The following ECT2L variants were observed in gnomAD, a reference collection of about 807,000 sequenced individuals.
The protein encoded by ECT2L is epithelial cell transforming 2 like.
A neutral mutation model predicts 122.8 loss-of-function variants in ECT2L; 126 were observed. The ratio of observed to expected loss-of-function variants is 1.03; its 90% CI spans 0.89 to 1.19. The LOEUF is 1.19. ECT2L is among the 50% of genes most tolerant of loss of function. ECT2L has a pLI of 0.00. For synonymous variants in ECT2L, 385 were observed against 381.8 expected, an observed-to-expected ratio of 1.01 and a Z score of -0.10; for missense variants, 1,012 against 1,064.1, an observed-to-expected ratio of 0.95 and a Z score of 0.68.
chr6:138,797,547 C>A (rs1775386903), intron 1 of ECT2L, among the ~76,000 whole-genome samples: 1 of 152,106 alleles, frequency 6.6e-6, no homozygotes, highest in Non-Finnish European at 1.5e-5. Flanking sequence ...GACATCATTG[C>A]TCTTCTGTGT....
rs371081730 is a variant in ECT2L at position 138,890,825 on chromosome 6, T to G, written c.2414+1794T>G. The stretch of plus-strand genomic sequence containing the variant: ...ATTTATTGTTTGAAGGCAATTTTGC[T>G]GGATACAGAATTCTAGGTTGGTGGT... On this transcript the variant is annotated intron_variant, in intron 20 of 21. Coordinates refer to ENST00000541398, the MANE Select transcript of ECT2L (RefSeq NM_001077706.3). 2.0e-5 allele frequency among the ~76,000 whole-genome samples: 3 copies of G among 150,742 alleles called. 1 individual carries two copies.
intron 6 of ECT2L, among the ~76,000 whole-genome samples, 189 bp from the exon 7 acceptor site, chr6:138,844,223 T>C (rs1039641740): frequency 2.6e-5 from 4 of 152,184 alleles, no homozygotes; most frequent in Non-Finnish European, 5.9e-5. Flanking sequence ...TGACCTGAAA[T>C]GACCGGTAGC....
chr6:138,891,861 A>T (rs1401857933), intron 20 of ECT2L, among the ~76,000 whole-genome samples: 2 of 152,132 alleles, frequency 1.3e-5, no homozygotes, highest in African/African-American at 2.4e-5. Context: ...ATGTTTTTGT[A>T]TTCTCTGAAA....
At chr6:138,882,694 T>C in intron 15 of ECT2L, 30 bp from the exon 16 acceptor site, 1 of 1,609,564 alleles carries the variant, frequency 6.2e-7, no homozygotes, top group Non-Finnish European at 8.5e-7. Flanking sequence ...CAAGTGAATA[T>C]TTCATGCTTA....
At chr6:138,843,333 T>G in intron 6 of ECT2L, 102 bp downstream of exon 6, 1 of 1,190,388 alleles carries the variant, frequency 8.4e-7, no homozygotes, top group Non-Finnish European at 1.1e-6. Context: ...TTCGGAATAC[T>G]CTGAGTGGCA....
Position 138,902,628 on chromosome 6 carries a change from G to T in ECT2L, c.*1G>T. On this transcript the variant is annotated 3_prime_UTR_variant, in exon 22 of 22. Transcript: ENST00000541398. ...AATCAAAAGCAGTATGGAGAAGTGA[G>T]ACCGAACTTGAAAACTTCAGGGGTG... 6.2e-7 allele frequency: 1 copy of T among 1,613,306 alleles called. No individual in the cohort carries two copies. The highest frequency in any genetic ancestry group is 1.1e-5 in the South Asian group (1 of 90,878).
intron 20 of ECT2L, among the ~76,000 whole-genome samples, chr6:138,890,490 A>ATTTTTTTT (rs1562495167): frequency 6.0e-5 from 3 of 50,190 alleles, no homozygotes; most frequent in African/African-American, 8.5e-5. Flanking sequence ...GTTTTCTTTG[A>ATTTTTTTT]TCTTTTTTTT....
intron 13 of ECT2L, among the ~76,000 whole-genome samples, chr6:138,876,123 A>G (rs1385094507): frequency 6.6e-6 from 1 of 151,808 alleles, no homozygotes; most frequent in Non-Finnish European, 1.5e-5. Context: ...TCTCAAGAAA[A>G]AGAAAAAAAA....
At chr6:138,857,426 G>C (rs898700082) in intron 10 of ECT2L, among the ~76,000 whole-genome samples, 3 of 151,972 alleles carry the variant, frequency 2.0e-5, no homozygotes, top group African/African-American at 7.2e-5. Flanking sequence ...TGATGGTGAT[G>C]CTGCTGCCTC....
At chr6:138,842,418 G>A (rs574530900) in intron 5 of ECT2L, among the ~76,000 whole-genome samples, 2 of 151,712 alleles carry the variant, frequency 1.3e-5, no homozygotes, top group Non-Finnish European at 2.9e-5. Flanking sequence ...CTGAGATCGC[G>A]CCACTGCACT....
intron 1 of ECT2L, among the ~76,000 whole-genome samples, chr6:138,800,509 C>T (rs746233744): frequency 5.3e-4 from 81 of 152,176 alleles, no homozygotes; most frequent in Non-Finnish European, 2.4e-4. Flanking sequence ...AAATGAATCC[C>T]TTAAAATGCT....
rs1273940922 is a variant in ECT2L at position 138,865,187 on chromosome 6, T to C, written c.1474+9T>C. The C allele has an allele frequency of 8.2e-6, 13 of 1,585,486 alleles. No individual in the cohort carries two copies. The highest frequency in any genetic ancestry group is 1.3e-5 in the African/African-American group (1 of 74,378). On this transcript the variant is annotated intron_variant, in intron 12 of 21. Transcript: ENST00000541398. ...CAGTGGCAGGATGATAGGTAAGCAG[T>C]CTTGCTACTTCTGTTGCAGGTTAAT...
chr6:138,804,741 A>G (rs1378149338), intron 1 of ECT2L, among the ~76,000 whole-genome samples: 1 of 152,198 alleles, frequency 6.6e-6, no homozygotes, highest in Non-Finnish European at 1.5e-5. Context: ...TAGGACTTTA[A>G]AAGTATTTTT....
intron 19 of ECT2L, 24 bp downstream of exon 19, chr6:138,886,946 G>GT (rs1562493348): frequency 6.3e-7 from 1 of 1,587,320 alleles, no homozygotes; most frequent in Non-Finnish European, 8.6e-7. Context: ...GGAACTTGCT[G>GT]TATCTCATGC....
intron 4 of ECT2L, among the ~76,000 whole-genome samples, chr6:138,820,424 A>G (rs941179082): frequency 6.6e-6 from 1 of 152,242 alleles, no homozygotes; most frequent in African/African-American, 2.4e-5. Context: ...GACAAGCCCG[A>G]GGACCAAAGT....
chr6:138,834,718 A>G (rs1529152), intron 4 of ECT2L, among the ~76,000 whole-genome samples: 81,714 of 151,902 alleles, frequency 0.54, 23,278 homozygotes, highest in East Asian at 0.8. Flanking sequence ...ATTCATTAGA[A>G]ATTAACTGTT....
chr6:138,799,038 C>T (rs1350728346), intron 1 of ECT2L, among the ~76,000 whole-genome samples: 2 of 152,238 alleles, frequency 1.3e-5, no homozygotes, highest in Non-Finnish European at 2.9e-5. Context: ...CCACAAGCCA[C>T]TCCGGGAGTC....
intron 10 of ECT2L, among the ~76,000 whole-genome samples, chr6:138,862,338 G>A (rs1376209872): frequency 1.3e-5 from 2 of 152,142 alleles, no homozygotes; most frequent in Non-Finnish European, 2.9e-5. Flanking sequence ...GAAGGGGCAG[G>A]TGGTGTGTCA....
chr6:138,844,156 A>G (rs556660905), intron 6 of ECT2L, among the ~76,000 whole-genome samples: 1 of 152,368 alleles, frequency 6.6e-6, no homozygotes, highest in East Asian at 1.9e-4. Context: ...TCAATTGATT[A>G]ACTGGTCCCC....
Sources: gnomAD v4.1 joint callset for allele counts (sites outside exome capture counted in the v4.1 genomes callset) on GRCh38, gnomAD v4.1.1 for gene constraint, MANE v1.5 for transcripts, NCBI Gene and HGNC (gene_info 2026-07-23, HGNC 2026-07-21) for gene names.